ZBTB7C: variants seen among roughly 807,000 people sequenced by gnomAD.
The protein encoded by ZBTB7C is zinc finger and BTB domain-containing protein 7C.
ZBTB7C carries 8 observed loss-of-function variants against 25.7 expected under a neutral mutation model. The ratio of observed to expected loss-of-function variants is 0.31; its 90% CI spans 0.18 to 0.56. The LOEUF is 0.56. Ranked by LOEUF, ZBTB7C falls within the 20% of genes least tolerant of loss-of-function variation. The pLI is 0.91. For missense variants in ZBTB7C, 824 were observed against 855.2 expected, an observed-to-expected ratio of 0.96 and a Z score of 0.46; for synonymous variants, 394 against 369.0, an observed-to-expected ratio of 1.07 and a Z score of -0.78.
chr18:48,041,166 GC>G, intron 3 of ZBTB7C, 43 bp from the exon 4 acceptor site: 1 of 1,530,252 alleles, frequency 6.5e-7, no homozygotes, highest in East Asian at 2.3e-5. Flanking sequence ...AGTGAGCGTG[GC>G]CCCAGGAGGG....
chr18:48,047,211 C>A (rs1051792513), intron 3 of ZBTB7C, among the ~76,000 whole-genome samples: 4 of 152,136 alleles, frequency 2.6e-5, no homozygotes, highest in African/African-American at 9.7e-5. Flanking sequence ...CCTGGTGGGC[C>A]AGTAGACAGC....
intron 3 of ZBTB7C, among the ~76,000 whole-genome samples, chr18:48,136,233 G>A (rs887778894): frequency 6.6e-6 from 1 of 152,182 alleles, no homozygotes; most frequent in Non-Finnish European, 1.5e-5. Context: ...GGGGACGCAC[G>A]GGGTCAGTCC....
upstream of ZBTB7C, among the ~76,000 whole-genome samples, chr18:48,409,985 TGCGG>T (rs1217231874): frequency 8.6e-5 from 10 of 116,302 alleles, no homozygotes; most frequent in African/African-American, 5.5e-4. Flanking sequence ...GGGGCAGCGG[TGCGG>T]CAGAGATGGG....
At chr18:48,327,531 C>T (rs906067593) in intron 2 of ZBTB7C, among the ~76,000 whole-genome samples, 2 of 152,194 alleles carry the variant, frequency 1.3e-5, no homozygotes, top group African/African-American at 2.4e-5. Context: ...CTCATCCCAC[C>T]CTCCCAGGGC....
intron 2 of ZBTB7C, among the ~76,000 whole-genome samples, chr18:48,239,129 G>C (rs34225813): frequency 0.074 from 11,205 of 152,144 alleles, 513 homozygotes; most frequent in South Asian, 0.12. Flanking sequence ...ATTGGCCTGA[G>C]AACCAACCCT....
intron 3 of ZBTB7C, among the ~76,000 whole-genome samples, chr18:48,098,310 T>C (rs1461184797): frequency 1.3e-5 from 2 of 152,216 alleles, no homozygotes; most frequent in Non-Finnish European, 2.9e-5. Flanking sequence ...CCAGCATTCT[T>C]GGTGTCTTCC....
intron 3 of ZBTB7C, among the ~76,000 whole-genome samples, chr18:48,133,601 AT>A (rs10578146): frequency 0.061 from 8,723 of 142,920 alleles, 253 homozygotes; most frequent in South Asian, 0.15. Context: ...TCCCCACGCT[AT>A]TTTTTTTTTT....
At chr18:48,327,294 C>T (rs1035351180) in intron 2 of ZBTB7C, among the ~76,000 whole-genome samples, 5 of 152,192 alleles carry the variant, frequency 3.3e-5, no homozygotes, top group South Asian at 4.1e-4. Context: ...ATCATCCCAG[C>T]TCCTGATGCC....
intron 2 of ZBTB7C, among the ~76,000 whole-genome samples, chr18:48,243,270 C>CCAAAA (rs2043581034): frequency 1.1e-5 from 1 of 88,306 alleles, no homozygotes; most frequent in Non-Finnish European, 2.1e-5. Flanking sequence ...TACCCCCCCA[C>CCAAAA]AAAAAAAAAA....
chr18:48,194,358 A>T (rs185167386), intron 2 of ZBTB7C, among the ~76,000 whole-genome samples: 148 of 152,296 alleles, frequency 9.7e-4, no homozygotes, highest in Non-Finnish European at 1.8e-3. Flanking sequence ...ATGGTGAAAT[A>T]TGTGCATTTA....
At chr18:48,350,748 T>C (rs115915611) in intron 1 of ZBTB7C, among the ~76,000 whole-genome samples, 2,089 of 152,298 alleles carry the variant, frequency 0.014, 58 homozygotes, top group African/African-American at 0.048. Flanking sequence ...GTTTTATGCC[T>C]AAAGCAATAG....
In ZBTB7C at chr18:48,029,397, C is replaced by T. The variant is rs1350726058; in HGVS notation, c.1723G>A (p.Ala575Thr). Residue 575 changes from alanine (A) to threonine (T), a missense_variant, in exon 5 of 5, where the codon GCC (alanine) becomes ACC (threonine). By Grantham distance (58) the Ala-to-Thr change is moderately conservative. Coordinates refer to ENST00000590800, the MANE Select transcript of ZBTB7C (RefSeq NM_001318841.2). ...EAERNAGGLL[A>T]FALAENVAAA... is the part of the protein sequence containing the mutation. ...GCCACGTTCTCGGCCAGCGCGAAGG[C>T]CAGGAGGCCCCCCGCGTTCCTCTCA... 6.4e-7 allele frequency: 1 copy of T among 1,567,588 alleles called. No homozygotes were observed. The highest frequency in any genetic ancestry group is 2.4e-5 in the East Asian group (1 of 42,144).
upstream of ZBTB7C, among the ~76,000 whole-genome samples, chr18:48,411,675 T>TGG (rs2048384660): frequency 6.6e-6 from 1 of 152,184 alleles, no homozygotes; most frequent in African/African-American, 2.4e-5. Flanking sequence ...AATGTAGTTC[T>TGG]GGGGGTGAGG....
intron 2 of ZBTB7C, among the ~76,000 whole-genome samples, chr18:48,267,102 C>T (rs1457543406): frequency 6.6e-6 from 1 of 152,184 alleles, no homozygotes; most frequent in East Asian, 1.9e-4. Flanking sequence ...CTCTTTGACT[C>T]ATGATTAGCT....
chr18:48,076,106 G>A (rs539417779), intron 3 of ZBTB7C, among the ~76,000 whole-genome samples: 1 of 152,278 alleles, frequency 6.6e-6, no homozygotes, highest in Admixed American at 6.5e-5. Context: ...GGTGCTGCAA[G>A]AATGAAAAAT....
At chr18:48,364,621 C>T (rs139633764) in intron 1 of ZBTB7C, among the ~76,000 whole-genome samples, 36 of 152,222 alleles carry the variant, frequency 2.4e-4, no homozygotes, top group African/African-American at 8.2e-4. Flanking sequence ...GGGGCTTTTG[C>T]ATTTTAATTT....
At chr18:48,325,480 G>A (rs1298822712) in intron 2 of ZBTB7C, among the ~76,000 whole-genome samples, 1 of 152,146 alleles carries the variant, frequency 6.6e-6, no homozygotes, top group African/African-American at 2.4e-5. Flanking sequence ...AGCAATGAAA[G>A]GCTTTCACAA....
chr18:48,206,713 G>A (rs901193727), intron 2 of ZBTB7C, among the ~76,000 whole-genome samples: 18 of 152,078 alleles, frequency 1.2e-4, no homozygotes, highest in African/African-American at 4.3e-4. Context: ...AAGTAATTTC[G>A]AAGGGATCAT....
intron 2 of ZBTB7C, among the ~76,000 whole-genome samples, chr18:48,274,718 C>G (rs1204603540): frequency 6.6e-6 from 1 of 152,206 alleles, no homozygotes; most frequent in South Asian, 2.1e-4. Context: ...AGTTCCATCA[C>G]CTGTCTCCAT....
Sources: gnomAD v4.1 joint callset for allele counts (sites outside exome capture counted in the v4.1 genomes callset) on GRCh38, gnomAD v4.1.1 for gene constraint, MANE v1.5 for transcripts, NCBI Gene and HGNC (gene_info 2026-07-23, HGNC 2026-07-21) for gene names.